AGTPBP1: variants seen among roughly 807,000 people sequenced by gnomAD.
The protein encoded by AGTPBP1 is ATP/GTP binding carboxypeptidase 1.
A neutral mutation model predicts 143.9 loss-of-function variants in AGTPBP1; 70 were observed. That is an observed-to-expected ratio of 0.49 (90% CI 0.40 to 0.59). The LOEUF is 0.59. Ranked by LOEUF, AGTPBP1 falls within the 20% of genes least tolerant of loss-of-function variation. The pLI is 0.00. For missense variants in AGTPBP1, 1,229 were observed against 1,464.5 expected, an observed-to-expected ratio of 0.84 and a Z score of 2.62; for synonymous variants, 463 against 500.2, an observed-to-expected ratio of 0.93 and a Z score of 0.99.
intron 13 of AGTPBP1, among the ~76,000 whole-genome samples, chr9:85,641,820 C>G (rs915256330): frequency 6.6e-6 from 1 of 152,032 alleles, no homozygotes; most frequent in Non-Finnish European, 1.5e-5. Flanking sequence ...CTGCCTCAGC[C>G]TCCGAGTAGC....
In AGTPBP1 at chr9:85,586,958, T is replaced by C. The variant is rs375881738; in HGVS notation, c.2906A>G (p.His969Arg). The C allele has an allele frequency of 3.1e-6, 5 of 1,613,648 alleles. No homozygotes were observed. The highest frequency in any genetic ancestry group is 4.2e-6 in the Non-Finnish European group (5 of 1,179,774). ...ATCCTCTCCACTTAAAGAACAGCGA[T>C]GACTACATGTACATAAACACAAAGA... ...LNPDGVINGN[H>R]RCSLSGEDLN... is the part of the protein sequence containing the mutation. Residue 969 changes from histidine (H) to arginine (R), a missense_variant and splice_region_variant, in exon 22 of 26, where the codon CAT becomes CGT. Physicochemically the swap from His to Arg is conservative, Grantham distance 29 (BLOSUM62 0). Transcript: ENST00000357081.
At chr9:85,696,386 G>C (rs116412449) in intron 2 of AGTPBP1, among the ~76,000 whole-genome samples, 4 of 152,080 alleles carry the variant, frequency 2.6e-5, no homozygotes, top group Non-Finnish European at 5.9e-5. Flanking sequence ...GTGTCAACCC[G>C]GTCGGGCGCA....
chr9:85,767,494 C>A, the AGTPBP1 span, among the ~76,000 whole-genome samples: 2 of 152,198 alleles, frequency 1.3e-5, no homozygotes, highest in East Asian at 3.9e-4. Flanking sequence ...ACTGCAGGCA[C>A]ACGCCATCAT....
At chr9:85,615,561 G>T (rs990595351) in intron 17 of AGTPBP1, among the ~76,000 whole-genome samples, 8 of 151,836 alleles carry the variant, frequency 5.3e-5, no homozygotes, top group African/African-American at 1.7e-4. Flanking sequence ...AAAAAATGTA[G>T]TGTTACACAT....
At chr9:85,759,893 G>C in the AGTPBP1 span, among the ~76,000 whole-genome samples, 23 of 152,254 alleles carry the variant, frequency 1.5e-4, no homozygotes, top group Admixed American at 1.1e-3. Flanking sequence ...AAGAAGAAAA[G>C]AGAGAAGAAT....
chr9:85,770,244 T>C, the AGTPBP1 span: 5 of 1,292,356 alleles, frequency 3.9e-6, no homozygotes, highest in South Asian at 1.2e-5. Flanking sequence ...GTCAAAGTTA[T>C]ACTATTTCAT....
At chr9:85,769,520 CAAAAAAAAA>C in the AGTPBP1 span, among the ~76,000 whole-genome samples, 1 of 60,886 alleles carries the variant, frequency 1.6e-5, no homozygotes, top group Admixed American at 1.9e-4. Flanking sequence ...ACCCTGTGTC[CAAAAAAAAA>C]AAAAAAAAAA....
In AGTPBP1 at chr9:85,605,025, T is replaced by C. The variant is rs560416014; in HGVS notation, c.2336-8576A>G. Among the ~76,000 whole-genome samples, 15 of 152,272 alleles carry C rather than the reference T, an allele frequency of 9.9e-5. No homozygotes were observed. In the South Asian group the frequency reaches 2.9e-3, roughly 29 times the overall value. On this transcript the variant is annotated intron_variant, in intron 17 of 25. Coordinates refer to ENST00000357081, the MANE Select transcript of AGTPBP1 (RefSeq NM_001330701.2). ...CTCAAAAGTACAAATTTAAGAGTTA[T>C]TGGCCTTAAAGAGGAGATAGAGGAA...
At chr9:85,571,634 C>A (rs1484317905) in intron 25 of AGTPBP1, among the ~76,000 whole-genome samples, 2 of 152,042 alleles carry the variant, frequency 1.3e-5, no homozygotes, top group African/African-American at 2.4e-5. Context: ...TTGGCAGATA[C>A]CATCTTAATT....
At chr9:85,802,919 G>A in the AGTPBP1 span, among the ~76,000 whole-genome samples, 2 of 152,366 alleles carry the variant, frequency 1.3e-5, no homozygotes, top group East Asian at 1.9e-4. Context: ...ATCTGCTCAT[G>A]TTCTATAACT....
chr9:85,570,245 GAAC>G (rs897458415), intron 25 of AGTPBP1, among the ~76,000 whole-genome samples: 7 of 152,202 alleles, frequency 4.6e-5, no homozygotes, highest in African/African-American at 1.4e-4. Context: ...AGACTACTGA[GAAC>G]AACATGCAAT....
Position 85,633,254 on chromosome 9 carries a change from C to G in AGTPBP1, c.1423G>C (p.Val475Leu). 1 of 1,614,078 alleles carries G rather than the reference C, an allele frequency of 6.2e-7. No homozygotes were observed. The highest frequency in any genetic ancestry group is 8.5e-7 in the Non-Finnish European group (1 of 1,179,988). ...GAAGATATGTTCTCCTTCATTACAA[C>G]TTTTCTTAAATTGCCAGAATTCCCA... ...TSGNSGNLRK[V>L]VMKENISSKG... is the part of the protein sequence containing the mutation. Residue 475 changes from valine (V) to leucine (L), a missense_variant, in exon 14 of 26, where the codon GTT (valine) becomes CTT (leucine). By Grantham distance (32) the Val-to-Leu change is conservative. This residue lies in a region of AGTPBP1 where 743 missense variants were observed against 812.2 expected (regional missense o/e 0.91). Transcript: ENST00000357081.
chr9:85,643,091 A>G (rs2133826811), intron 12 of AGTPBP1, 148 bp from the exon 13 acceptor site: 4 of 609,508 alleles, frequency 6.6e-6, no homozygotes, highest in African/African-American at 1.9e-5. Context: ...TTTATCTTAA[A>G]TTCAAATTTG....
the AGTPBP1 span, chr9:85,753,515 A>C: frequency 6.6e-7 from 1 of 1,520,714 alleles, no homozygotes; most frequent in Non-Finnish European, 8.9e-7. Flanking sequence ...GCACTTTGGG[A>C]CGCTGAGGTG....
At chr9:85,560,161 G>C (rs1826613423) in intron 25 of AGTPBP1, among the ~76,000 whole-genome samples, 1 of 152,082 alleles carries the variant, frequency 6.6e-6, no homozygotes, top group South Asian at 2.1e-4. Context: ...GAAACTAATG[G>C]TCTTGAGTTC....
chr9:85,690,682 G>T lies in AGTPBP1; in HGVS notation c.157+2007C>A, dbSNP rs12551635. 1.8e-3 allele frequency among the ~76,000 whole-genome samples: 274 copies of T among 151,508 alleles called. 2 individuals carry two copies. Among genetic ancestry groups the T allele is most frequent in the Admixed American group, 0.016 (244 of 15,230 alleles). On this transcript the variant is annotated intron_variant, in intron 3 of 25. Coordinates refer to ENST00000357081, the MANE Select transcript of AGTPBP1 (RefSeq NM_001330701.2). ...GGGAAGAGGGTCATTCTCTGATAGCGGTATGGTCAGGAGTATTTTCAGTGG... is the reference window on the plus strand; with the variant it reads ...GGGAAGAGGGTCATTCTCTGATAGCTGTATGGTCAGGAGTATTTTCAGTGG...
At chr9:85,706,059 A>T (rs1836975630) in intron 2 of AGTPBP1, among the ~76,000 whole-genome samples, 1 of 152,020 alleles carries the variant, frequency 6.6e-6, no homozygotes. Context: ...AGTATACTAG[A>T]TGTATAGTAT....
intron 17 of AGTPBP1, among the ~76,000 whole-genome samples, chr9:85,602,581 T>G (rs187497235): frequency 2.2e-4 from 33 of 152,190 alleles, no homozygotes; most frequent in Middle Eastern, 3.4e-3. Context: ...GTAAACCTAT[T>G]TAACAAAATA....
the AGTPBP1 span, among the ~76,000 whole-genome samples, chr9:85,748,682 A>G: frequency 2.6e-5 from 4 of 152,184 alleles, no homozygotes; most frequent in Admixed American, 2.0e-4. Context: ...ATGCATATCC[A>G]ATGAACCACT....
Sources: gnomAD v4.1 joint callset for allele counts (sites outside exome capture counted in the v4.1 genomes callset) on GRCh38, gnomAD v4.1.1 for gene constraint, gnomAD v4.1.1 regional missense constraint, MANE v1.5 for transcripts, NCBI Gene and HGNC (gene_info 2026-07-23, HGNC 2026-07-21) for gene names.